The following NEB variants were observed in gnomAD, a reference collection of about 807,000 sequenced individuals.
NEB encodes the protein nebulin.
NEB carries 512 observed loss-of-function variants against 952.2 expected under a neutral mutation model. The ratio of observed to expected loss-of-function variants is 0.54; its 90% confidence interval spans 0.50 to 0.58. The LOEUF is 0.58. Among genes scored for constraint, NEB ranks in the 20% least tolerant of loss-of-function variants. NEB has a pLI of 0.00. For missense variants in NEB, 8,428 were observed against 9,231.1 expected (o/e 0.91, Z 3.56); for synonymous variants, 2,900 against 3,149.8 (o/e 0.92, Z 2.66).
At chr2:151,645,054 G>C (rs186460427) in intron 55 of NEB, among the ~76,000 whole-genome samples, 1 of 152,132 alleles carries the variant, frequency 6.6e-6, no homozygotes, top group African/African-American at 2.4e-5. Flanking sequence ...AAAAGATACC[G>C]CAAAAATACA....
At chr2:151,622,732 G>A (rs918506564) in intron 71 of NEB, among the ~76,000 whole-genome samples, 6 of 152,000 alleles carry the variant, frequency 3.9e-5, no homozygotes, top group Admixed American at 3.3e-4. Context: ...TCAGACTCAG[G>A]AAATTTAATA....
intron 169 of NEB, among the ~76,000 whole-genome samples, chr2:151,498,891 T>TAAA (rs66881625): frequency 0.068 from 10,207 of 150,032 alleles, 916 homozygotes; most frequent in African/African-American, 0.21. Flanking sequence ...GATAAGGTGC[T>TAAA]AAAAAAAAGA....
At chr2:151,535,249 T>A (rs2092891048) in intron 142 of NEB, among the ~76,000 whole-genome samples, 1 of 152,246 alleles carries the variant, frequency 6.6e-6, no homozygotes, top group Non-Finnish European at 1.5e-5. Context: ...GAATCACAAC[T>A]ATTCCTTTAG....
Position 151,551,782 on chromosome 2 carries a change from C to T in NEB, c.19900G>A (p.Val6634Met), listed in dbSNP as rs377487468. 10 of 1,613,386 alleles carry T rather than the reference C, an allele frequency of 6.2e-6. No homozygotes were observed. The highest frequency in any genetic ancestry group is 4.5e-5 in the East Asian group (2 of 44,814). Residue 6634 changes from valine (V) to methionine (M), a missense_variant, in exon 129 of 182, where the codon GTG becomes ATG. Physicochemically the swap from Val to Met is conservative, Grantham distance 21. Transcript: ENST00000397345. ...RGKVAPTTKT[V>M]DLDRALHAYK... ...GCATGAAGGGCCCGGTCCAGATCCACGGTTTTGGTAGTTGGAGCCACTTTG... is the reference window on the plus strand; with the variant it reads ...GCATGAAGGGCCCGGTCCAGATCCATGGTTTTGGTAGTTGGAGCCACTTTG...
chr2:151,575,631 G>C, intron 107 of NEB, 64 bp downstream of exon 107: 1 of 1,143,024 alleles, frequency 8.7e-7, no homozygotes, highest in Non-Finnish European at 1.3e-6. Flanking sequence ...TCCCTTCCAT[G>C]CTCATAGTAT....
intron 4 of NEB, 59 bp from the exon 5 acceptor site, chr2:151,727,965 T>C: frequency 9.1e-6 from 12 of 1,316,180 alleles, no homozygotes; most frequent in Non-Finnish European, 1.2e-5. Context: ...GCTACTGTGA[T>C]CTTAGTATAT....
intron 52 of NEB, among the ~76,000 whole-genome samples, chr2:151,653,325 C>T (rs1251333219): frequency 6.6e-6 from 1 of 152,020 alleles, no homozygotes; most frequent in African/African-American, 2.4e-5. Flanking sequence ...AAAAATTAAC[C>T]AATAGAGACA....
chr2:151,517,644 A>G (rs1478104082), intron 156 of NEB, among the ~76,000 whole-genome samples: 1 of 152,190 alleles, frequency 6.6e-6, no homozygotes, highest in Non-Finnish European at 1.5e-5. Flanking sequence ...CCTAGGCTAT[A>G]TGGTATGGCC....
At chr2:151,498,212 T>TTAA in intron 170 of NEB, 48 bp downstream of exon 170, 2 of 1,549,894 alleles carry the variant, frequency 1.3e-6, no homozygotes, top group South Asian at 1.2e-5. Flanking sequence ...AAAGATCAGT[T>TTAA]TAATTCTGAA....
intron 5 of NEB, among the ~76,000 whole-genome samples, chr2:151,726,246 G>A (rs781253636): frequency 1.4e-4 from 21 of 152,112 alleles, no homozygotes; most frequent in Middle Eastern, 3.2e-3. Context: ...CTAGGTTCAT[G>A]GGATCTGAAT....
chr2:151,656,136 G>C lies in NEB; in HGVS notation c.6495+17C>G. The C allele has an allele frequency of 6.3e-6, 10 of 1,574,868 alleles. No individual in the cohort carries two copies. Among genetic ancestry groups the C allele is most frequent in the Non-Finnish European group, 8.6e-6 (10 of 1,158,384 alleles). On this transcript the variant is annotated intron_variant, in intron 49 of 181. Transcript: ENST00000397345. ...TGCTAGGATTCCAACCATCACCCAA[G>C]TAGAAGAAAGCCTTACATCACTCTG...
chr2:151,522,386 G>A (rs978545219), intron 153 of NEB, among the ~76,000 whole-genome samples: 2 of 152,154 alleles, frequency 1.3e-5, no homozygotes, highest in Non-Finnish European at 2.9e-5. Context: ...AACTTCAGAA[G>A]AGGCAGAGGT....
intron 168 of NEB, among the ~76,000 whole-genome samples, chr2:151,500,666 G>A (rs565466689): frequency 3.5e-5 from 5 of 142,144 alleles, no homozygotes; most frequent in South Asian, 2.2e-4. Context: ...GCACAATCAC[G>A]GCTCACTGCA....
intron 119 of NEB, among the ~76,000 whole-genome samples, 171 bp from the exon 120 acceptor site, chr2:151,562,979 T>C (rs912536706): frequency 2.0e-5 from 3 of 149,382 alleles, no homozygotes; most frequent in African/African-American, 7.3e-5. Flanking sequence ...TTATATACTT[T>C]AATATATTCT....
At chr2:151,504,395 G>A (rs1295727864) in intron 165 of NEB, among the ~76,000 whole-genome samples, 1 of 152,120 alleles carries the variant, frequency 6.6e-6, no homozygotes, top group Admixed American at 6.5e-5. Context: ...CAAAATTAAA[G>A]AAAACCAAGA....
chr2:151,562,002 G>A (rs2096094710), intron 121 of NEB, 108 bp downstream of exon 121: 11 of 817,538 alleles, frequency 1.3e-5, no homozygotes, highest in Non-Finnish European at 2.3e-5. Context: ...TGGTCAGTTA[G>A]AGCCTACACT....
intron 179 of NEB, 38 bp downstream of exon 179, chr2:151,491,642 ATGG>A: frequency 7.0e-7 from 1 of 1,437,656 alleles, no homozygotes; most frequent in Non-Finnish European, 9.6e-7. Context: ...AGCATACTAA[ATGG>A]TGATGTTTAT....
At chr2:151,535,926 G>C in intron 141 of NEB, 131 bp from the exon 142 acceptor site, 1 of 590,300 alleles carries the variant, frequency 1.7e-6, no homozygotes, top group East Asian at 3.2e-5. Context: ...TGTTTGTTTT[G>C]AGACAGGGTT....
At chr2:151,649,125 G>T (rs2098999540) in intron 54 of NEB, among the ~76,000 whole-genome samples, 1 of 152,070 alleles carries the variant, frequency 6.6e-6, no homozygotes, top group African/African-American at 2.4e-5. Context: ...CCAACAAGGG[G>T]GAAACATTTT....
Sources: gnomAD v4.1 joint callset for allele counts (sites outside exome capture counted in the v4.1 genomes callset) on GRCh38, gnomAD v4.1.1 for gene constraint, MANE v1.5 for transcripts, NCBI Gene and HGNC (gene_info 2026-07-23, HGNC 2026-07-21) for gene names.